The following ASIC4 variants were observed in gnomAD, a reference collection of about 807,000 sequenced individuals.
ASIC4 encodes the protein acid sensing ion channel subunit family member 4.
ASIC4 carries 28 observed loss-of-function variants against 53.4 expected under a neutral mutation model. The ratio of observed to expected loss-of-function variants is 0.52; its 90% CI spans 0.39 to 0.72. The LOEUF is 0.72. Among genes scored for constraint, ASIC4 ranks in the 30% least tolerant of loss-of-function variants. ASIC4 has a pLI of 0.00. For synonymous variants in ASIC4, 289 were observed against 301.4 expected (o/e 0.96, Z 0.43); for missense variants, 649 against 729.7 (o/e 0.89, Z 1.27).
chr2:219,511,871 C>T (rs1694706060), upstream of ASIC4, among the ~76,000 whole-genome samples: 1 of 149,796 alleles, frequency 6.7e-6, no homozygotes, highest in Non-Finnish European at 1.5e-5. The surrounding 1 kb of genome is among the most constrained non-coding windows in gnomAD (Gnocchi z 5.3). Context: ...TGCAGCCGGG[C>T]AGAGAGGGAG....
At chr2:219,515,480 T>C (rs1428348842) in intron 1 of ASIC4, among the ~76,000 whole-genome samples, 174 bp downstream of exon 1, 1 of 152,242 alleles carries the variant, frequency 6.6e-6, no homozygotes. Context: ...TTCCCAGCCA[T>C]GGAGCAGTGG....
chr2:219,530,845 A>G (rs1397100045), intron 1 of ASIC4, among the ~76,000 whole-genome samples: 2 of 152,180 alleles, frequency 1.3e-5, no homozygotes, highest in Non-Finnish European at 2.9e-5. Context: ...TTAGGGAAGG[A>G]GCATGACTTC....
intron 5 of ASIC4, among the ~76,000 whole-genome samples, chr2:219,534,969 C>A (rs1319712471): frequency 6.6e-6 from 1 of 152,166 alleles, no homozygotes; most frequent in Non-Finnish European, 1.5e-5. Context: ...CTGCTTATAT[C>A]TGCTCTCTGG....
chr2:219,526,327 C>T (rs1694960885), intron 1 of ASIC4, among the ~76,000 whole-genome samples: 4 of 151,996 alleles, frequency 2.6e-5, no homozygotes, highest in Admixed American at 2.6e-4. Context: ...GAGAGGGGTT[C>T]CTGGCATGTT....
chr2:219,519,150 C>T (rs930946221), intron 1 of ASIC4, among the ~76,000 whole-genome samples: 1 of 152,156 alleles, frequency 6.6e-6, no homozygotes, highest in African/African-American at 2.4e-5. Flanking sequence ...GTGATCCGCC[C>T]GCCTTGGCCT....
chr2:219,530,395 G>T (rs2125665880), intron 1 of ASIC4, among the ~76,000 whole-genome samples: 1 of 152,392 alleles, frequency 6.6e-6, no homozygotes, highest in East Asian at 1.9e-4. Context: ...AAAGGGAGCC[G>T]GGCTTCTGTG....
chr2:219,514,306 G>A (rs762206552), upstream of ASIC4: 6 of 1,506,754 alleles, frequency 4.0e-6, no homozygotes, highest in African/African-American at 2.8e-5. Context: ...CTGTTGACAT[G>A]TCCTGAATTA....
upstream of ASIC4, among the ~76,000 whole-genome samples, chr2:219,509,763 C>T (rs547383308): frequency 6.6e-6 from 1 of 152,106 alleles, no homozygotes; most frequent in Non-Finnish European, 1.5e-5. The surrounding 1 kb of genome is among the most constrained non-coding windows in gnomAD (Gnocchi z 5.2). Flanking sequence ...AAGAAGCCCC[C>T]TCTGAAATTG....
chr2:219,537,751 T>C lies in ASIC4; in HGVS notation c.1506+15T>C. 1.2e-6 allele frequency: 2 copies of C among 1,607,936 alleles called. No individual in the cohort carries two copies. Among genetic ancestry groups the C allele is most frequent in the Non-Finnish European group, 1.7e-6 (2 of 1,176,172 alleles). The stretch of plus-strand genomic sequence containing the variant: ...TGAAGGAACAGGTGAGGACAAGCTC[T>C]AAATGCCTGCAGCATGCAGCCACAC... On this transcript the variant is annotated intron_variant, in intron 9 of 9. Coordinates refer to ENST00000358078, the MANE Select transcript of ASIC4 (RefSeq NM_018674.6). This position sits in a 1 kb window ranked among gnomAD's most constrained non-coding sequence, Gnocchi z 4.9.
chr2:219,537,981 C>T lies in ASIC4; in HGVS notation c.1555C>T (p.Leu519=), dbSNP rs759549558. The change falls in exon 10 of 10, where the codon CTG becomes TTG. Residue 519 remains leucine, a synonymous_variant. Transcript: ENST00000358078. The surrounding 1 kb of genome is among the most constrained non-coding windows in gnomAD (Gnocchi z 4.9). ...GRVEGGGVSS[L]LPNHHHPHGP... is the part of the protein sequence containing the mutation. Reference sequence around the variant, plus strand: ...AGTGGAGGGTGGGGGGGTCAGCAGTCTGCTCCCCAATCACCACCACCCCCA... The same window carrying T: ...AGTGGAGGGTGGGGGGGTCAGCAGTTTGCTCCCCAATCACCACCACCCCCA... The T allele has an allele frequency of 6.2e-7, 1 of 1,613,048 alleles. No homozygotes were observed. The highest frequency in any genetic ancestry group is 2.2e-5 in the East Asian group (1 of 44,842).
At chr2:219,514,438 A>G (rs1453725782), upstream of ASIC4, 1 of 1,549,812 alleles carries the variant, frequency 6.5e-7, no homozygotes, top group South Asian at 1.2e-5. Flanking sequence ...GCAGGGGCTG[A>G]CAGCTGTGCT....
intron 6 of ASIC4, among the ~76,000 whole-genome samples, chr2:219,535,734 C>T (rs947880753): frequency 1.3e-5 from 2 of 150,484 alleles, no homozygotes; most frequent in Non-Finnish European, 3.0e-5. Flanking sequence ...GATGAGTCTT[C>T]TACCGGGAAT....
At position 219,514,960 on chromosome 2, in the gene ASIC4, C is replaced by A; in HGVS notation, c.236C>A (p.Ala79Asp). Residue 79 changes from alanine (A) to aspartate (D), a missense_variant, in exon 1 of 10, where the codon GCT becomes GAT. Transcript: ENST00000358078. ...LWALALLTSLAAFLYQAAGLA... is the reference protein window; with the variant it reads ...LWALALLTSLDAFLYQAAGLA... ...GCACTGGCCCTACTCACCTCGCTGG[C>A]TGCCTTCCTGTACCAGGCGGCTGGC... is the stretch of plus-strand genomic sequence containing the variant. The A allele has an allele frequency of 6.2e-7, 1 of 1,613,244 alleles. No homozygotes were observed. The highest frequency in any genetic ancestry group is 8.5e-7 in the Non-Finnish European group (1 of 1,179,870).
chr2:219,537,932 GA>G lies in ASIC4; in HGVS notation c.1507del (p.Ser503ValfsTer42). The G allele has an allele frequency of 6.2e-7, 1 of 1,603,662 alleles. No individual in the cohort carries two copies. Among genetic ancestry groups the G allele is most frequent in the East Asian group, 2.2e-5 (1 of 44,728 alleles). The part of the protein sequence containing the change: ...TLGLQELKEQ[S>X]PCPSRGRVEG... The stretch of plus-strand genomic sequence containing the variant: ...CACTCTCTCTTTTCTTTCTCCTGCA[GA>G]GTCCCTGCCCGAGCCGGGGCCGAGT... On this transcript the variant is annotated frameshift_variant and splice_region_variant, in exon 10 of 10. Coordinates refer to ENST00000358078, the MANE Select transcript of ASIC4 (RefSeq NM_018674.6). LOFTEE classifies it high-confidence loss of function. The surrounding 1 kb of genome is among the most constrained non-coding windows in gnomAD (Gnocchi z 4.9).
chr2:219,522,394 G>C (rs1242514492), intron 1 of ASIC4, among the ~76,000 whole-genome samples: 1 of 151,336 alleles, frequency 6.6e-6, no homozygotes, highest in East Asian at 2.0e-4. Flanking sequence ...GGAGGGTGGG[G>C]TGGGGGCTGG....
rs138559599 is a variant in ASIC4, at chr2:219,515,053, C to T, written c.329C>T (p.Ala110Val). 6.2e-6 allele frequency: 10 copies of T among 1,613,312 alleles called. No homozygotes were observed. In the Middle Eastern group the frequency reaches 4.9e-4, roughly 80 times the overall value. The change falls in exon 1 of 10, where the codon GCG becomes GTG. Residue 110 changes from alanine to valine, a missense_variant. Coordinates refer to ENST00000358078, the MANE Select transcript of ASIC4 (RefSeq NM_018674.6). Reference protein sequence around the residue: ...AMDPAAPAPVAGFPAVTLCNI... With the variant: ...AMDPAAPAPVVGFPAVTLCNI... ...GACCCCGCTGCCCCAGCCCCAGTGG[C>T]GGGCTTCCCGGCTGTCACCCTCTGC...
In ASIC4 at chr2:219,535,459, GTGTA is replaced by G. The variant is rs1404356059; in HGVS notation, c.1229+139_1229+142del. 4.0e-5 allele frequency: 42 copies of G among 1,054,136 alleles called. No homozygotes were observed. In the Admixed American group the frequency reaches 7.9e-4, roughly 20 times the overall value. 65.3% of individuals were successfully genotyped at this position (1,054,136 alleles called of 1,614,324 possible). A position where few individuals can be genotyped will look rare whatever the true frequency, so the allele number is the denominator to read the frequency against. Reference sequence around the variant, plus strand: ...TGTTTGTGTGTATGTGGGTGTGGGTGTGTATGTGTGTGGGGTGTATGTGGGTGTG... The same window carrying G: ...TGTTTGTGTGTATGTGGGTGTGGGTGTGTGTGTGGGGTGTATGTGGGTGTG... On this transcript the variant is annotated intron_variant, in intron 6 of 9. Transcript: ENST00000358078.
Position 219,522,836 on chromosome 2 carries a change from G to C in ASIC4, c.582+7530G>C, listed in dbSNP as rs1361507149. On this transcript the variant is annotated intron_variant, in intron 1 of 9. Coordinates refer to ENST00000358078, the MANE Select transcript of ASIC4 (RefSeq NM_018674.6). ...ACTTTGCCGAGGAGCCGGGAGCCGG[G>C]GGAATGCAAATGAGGCAGACCCAGG... 3.9e-5 allele frequency among the ~76,000 whole-genome samples: 6 copies of C among 152,304 alleles called. No individual in the cohort carries two copies. The East Asian group carries it at 9.7e-4, about 25-fold the overall frequency.
At chr2:219,512,429 C>A (rs1421237900), upstream of ASIC4, among the ~76,000 whole-genome samples, 1 of 151,564 alleles carries the variant, frequency 6.6e-6, no homozygotes, top group African/African-American at 2.4e-5. Flanking sequence ...TTGGCAAAGC[C>A]CCAGACTAAA....
Sources: gnomAD v4.1 joint callset for allele counts (sites outside exome capture counted in the v4.1 genomes callset) on GRCh38, gnomAD v4.1.1 for gene constraint, Gnocchi (gnomAD v3.1) non-coding constraint, MANE v1.5 for transcripts, NCBI Gene and HGNC (gene_info 2026-07-23, HGNC 2026-07-21) for gene names.